ARHGAP8: variants seen among roughly 807,000 people sequenced by gnomAD.
ARHGAP8 encodes the protein Rho GTPase activating protein 8, also known as rho GTPase-activating protein 8.
ARHGAP8 carries 62 observed loss-of-function variants against 46.1 expected under a neutral mutation model. The observed-to-expected ratio is 1.34, with a 90% CI of 1.10 to 1.66. The LOEUF is 1.66. ARHGAP8 is among the 40% of genes most tolerant of loss of function. ARHGAP8 has a pLI of 0.00. For missense variants in ARHGAP8, 923 were observed against 568.4 expected (o/e 1.62, Z -6.34); for synonymous variants, 375 against 243.1 (o/e 1.54, Z -5.05).
intron 1 of ARHGAP8, among the ~76,000 whole-genome samples, chr22:44,782,447 G>T (rs1387383730): frequency 6.6e-6 from 1 of 152,156 alleles, no homozygotes; most frequent in Non-Finnish European, 1.5e-5. Flanking sequence ...GTTAGTTCCA[G>T]AACGTTTTCA....
chr22:44,808,550 C>T (rs975750773), intron 4 of ARHGAP8, 112 bp downstream of exon 4: 11 of 1,508,104 alleles, frequency 7.3e-6, no homozygotes, highest in African/African-American at 4.2e-5. Flanking sequence ...TCTGGTAGGG[C>T]GGAGGGTGGA....
intron 11 of ARHGAP8, 105 bp downstream of exon 11, chr22:44,859,939 C>T (rs542058461): frequency 1.5e-6 from 2 of 1,322,286 alleles, no homozygotes; most frequent in South Asian, 1.4e-5. Flanking sequence ...GGGGTCATGC[C>T]CTGCTTGGGC....
chr22:44,816,240 C>T (rs1290276357), intron 5 of ARHGAP8, among the ~76,000 whole-genome samples: 3 of 152,154 alleles, frequency 2.0e-5, no homozygotes, highest in Non-Finnish European at 2.9e-5. Flanking sequence ...TGTGACGCTC[C>T]GTGTACAGGG....
rs76285641 is a variant in ARHGAP8, at chr22:44,859,801, C to A, written c.948C>A (p.Val316=). 350 of 1,614,050 alleles carry A rather than the reference C, an allele frequency of 2.2e-4. No homozygotes were observed. The highest frequency in any genetic ancestry group is 2.8e-4 in the Non-Finnish European group (330 of 1,180,018). Residue 316 remains valine (V), a synonymous_variant, in exon 11 of 12, where the codon GTC becomes GTA. Transcript: ENST00000356099. ...ILRSLPEHNY[V]VLRYLMGFLH... The stretch of plus-strand genomic sequence containing the variant: ...GGAGCCTCCCAGAGCACAACTACGT[C>A]GTCCTCCGCTACCTCATGGGCTTCC...
intron 10 of ARHGAP8, among the ~76,000 whole-genome samples, chr22:44,859,319 C>T (rs2070349187): frequency 6.6e-6 from 1 of 151,994 alleles, no homozygotes; most frequent in Admixed American, 6.5e-5. Flanking sequence ...ATAGTGAGTT[C>T]TTACCAGATC....
intron 10 of ARHGAP8, among the ~76,000 whole-genome samples, chr22:44,852,520 C>G (rs947213032): frequency 6.6e-6 from 1 of 152,236 alleles, no homozygotes; most frequent in African/African-American, 2.4e-5. Context: ...AGTAGTGTTC[C>G]GGACCCCAGC....
Position 44,759,888 on chromosome 22 carries a change from C to T in ARHGAP8, c.-72+7261C>T, listed in dbSNP as rs571742981. 2.1e-4 allele frequency among the ~76,000 whole-genome samples: 32 copies of T among 152,318 alleles called. No homozygotes were observed. In the South Asian group the frequency reaches 6.4e-3, roughly 31 times the overall value. On this transcript the variant is annotated intron_variant, in intron 1 of 11. Coordinates refer to ENST00000356099, the MANE Select transcript of ARHGAP8 (RefSeq NM_181335.3). Reference sequence around the variant, plus strand: ...AGGGTGTGCAGGTGAGAGTTGCGCACCCGAATGATCACCTGGGTGCCCTTG... The same window carrying T: ...AGGGTGTGCAGGTGAGAGTTGCGCATCCGAATGATCACCTGGGTGCCCTTG...
intron 1 of ARHGAP8, among the ~76,000 whole-genome samples, chr22:44,785,701 C>G (rs1316626356): frequency 6.6e-6 from 1 of 152,202 alleles, no homozygotes; most frequent in East Asian, 1.9e-4. Flanking sequence ...TTCAAAATTC[C>G]TGTTCTTTTT....
At chr22:44,837,148 G>A (rs1273754676) in intron 7 of ARHGAP8, among the ~76,000 whole-genome samples, 1 of 152,204 alleles carries the variant, frequency 6.6e-6, no homozygotes, top group Non-Finnish European at 1.5e-5. Flanking sequence ...GCCTCCCAAA[G>A]TGCTGGGATT....
intron 1 of ARHGAP8, among the ~76,000 whole-genome samples, chr22:44,780,175 C>CA (rs1421008286): frequency 2.0e-5 from 3 of 151,780 alleles, no homozygotes; most frequent in Non-Finnish European, 4.4e-5. Context: ...TCATGTGGCT[C>CA]AAAAAAAATC....
intron 2 of ARHGAP8, among the ~76,000 whole-genome samples, chr22:44,793,283 G>T (rs776618892): frequency 6.6e-6 from 1 of 152,158 alleles, no homozygotes; most frequent in Non-Finnish European, 1.5e-5. Flanking sequence ...GGGATGGAAG[G>T]TTCCAGGTCT....
intron 2 of ARHGAP8, among the ~76,000 whole-genome samples, chr22:44,790,676 CAA>C (rs369579126): frequency 2.0e-5 from 1 of 49,606 alleles, no homozygotes; most frequent in African/African-American, 7.3e-5. Flanking sequence ...AACTCTGTCT[CAA>C]AAAAAAAAAA....
intron 1 of ARHGAP8, among the ~76,000 whole-genome samples, chr22:44,758,952 G>A (rs1357189411): frequency 1.3e-5 from 2 of 152,166 alleles, no homozygotes; most frequent in East Asian, 1.9e-4. Context: ...TTTTTTAGGC[G>A]GGAGAAGAGA....
At chr22:44,786,152 C>T (rs1927203868) in intron 1 of ARHGAP8, 3 of 497,868 alleles carry the variant, frequency 6.0e-6, no homozygotes, top group Non-Finnish European at 7.2e-6. Context: ...AGTGGGTGCT[C>T]GGCTGATGTC....
At chr22:44,786,389 C>G in intron 1 of ARHGAP8, 68 bp from the exon 2 acceptor site, 1 of 1,522,720 alleles carries the variant, frequency 6.6e-7, no homozygotes, top group Non-Finnish European at 8.8e-7. Context: ...TGAAAGGCAT[C>G]AGGAGGCTCC....
chr22:44,857,007 C>G (rs2070244625), intron 10 of ARHGAP8, among the ~76,000 whole-genome samples: 1 of 141,196 alleles, frequency 7.1e-6, no homozygotes, highest in Admixed American at 6.9e-5. Context: ...ATGGTGCAAT[C>G]TCGGCTCACT....
intron 1 of ARHGAP8, among the ~76,000 whole-genome samples, chr22:44,782,862 G>A (rs1423545761): frequency 6.6e-6 from 1 of 152,112 alleles, no homozygotes; most frequent in Non-Finnish European, 1.5e-5. Flanking sequence ...CCTTGGCTGG[G>A]TCGTAGGTTT....
chr22:44,773,252 T>C (rs1417773631), intron 1 of ARHGAP8, among the ~76,000 whole-genome samples: 2 of 152,230 alleles, frequency 1.3e-5, no homozygotes, highest in African/African-American at 2.4e-5. Flanking sequence ...TTGAATGTAT[T>C]GTCATAAGGG....
chr22:44,856,877 G>C (rs2070240147), intron 10 of ARHGAP8, among the ~76,000 whole-genome samples: 1 of 144,244 alleles, frequency 6.9e-6, no homozygotes, highest in Admixed American at 6.7e-5. Flanking sequence ...AAAACAAAGA[G>C]ACTTTGACCA....
Sources: gnomAD v4.1 joint callset for allele counts (sites outside exome capture counted in the v4.1 genomes callset) on GRCh38, gnomAD v4.1.1 for gene constraint, MANE v1.5 for transcripts, NCBI Gene and HGNC (gene_info 2026-07-23, HGNC 2026-07-21) for gene names.